Variants in TMTC1 observed in about 807,000 individuals in gnomAD.
The protein encoded by TMTC1 is protein O-mannosyl-transferase TMTC1.
A neutral mutation model predicts 104.8 loss-of-function variants in TMTC1; 73 were observed. That is an observed-to-expected ratio of 0.70 (90% CI 0.58 to 0.85). The LOEUF (loss-of-function observed/expected upper bound fraction) is 0.85, where lower values mean the gene tolerates loss of function less well. Among genes scored for constraint, TMTC1 ranks in the 40% least tolerant of loss-of-function variants. TMTC1 has a pLI of 0.00. For synonymous variants in TMTC1, 434 were observed against 428.7 expected (o/e 1.01, Z -0.15); for missense variants, 1,035 against 1,096.1 (o/e 0.94, Z 0.79).
intron 5 of TMTC1, among the ~76,000 whole-genome samples, chr12:29,669,504 G>A (rs140131345): frequency 6.6e-6 from 1 of 152,246 alleles, no homozygotes; most frequent in East Asian, 1.9e-4. Context: ...CAGCCTCAAG[G>A]GGGACATGGT....
intron 5 of TMTC1, chr12:29,660,804 A>G (rs1484593906): frequency 8.9e-6 from 12 of 1,352,922 alleles, no homozygotes; most frequent in Non-Finnish European, 1.2e-5. Context: ...ATATACTTAC[A>G]TAACTTAGGA....
intron 6 of TMTC1, among the ~76,000 whole-genome samples, chr12:29,630,256 T>C (rs1454325035): frequency 6.6e-6 from 1 of 152,180 alleles, no homozygotes; most frequent in Non-Finnish European, 1.5e-5. Context: ...CTCACAGTTC[T>C]GCATGGCTGG....
chr12:29,601,838 CTTT>C (rs546200177), intron 7 of TMTC1, among the ~76,000 whole-genome samples: 9 of 137,386 alleles, frequency 6.6e-5, no homozygotes, highest in Admixed American at 2.2e-4. Context: ...ATAATCATCT[CTTT>C]TTTTTTTTTT....
intron 5 of TMTC1, among the ~76,000 whole-genome samples, chr12:29,728,065 T>C (rs1942446948): frequency 6.6e-6 from 1 of 152,242 alleles, no homozygotes; most frequent in African/African-American, 2.4e-5. Context: ...AGGAGCTTTA[T>C]TGTGATGCAC....
In TMTC1 at chr12:29,674,597, C is replaced by A. The variant is rs184786736; in HGVS notation, c.939-41261G>T. On this transcript the variant is annotated intron_variant, in intron 5 of 17. Transcript: ENST00000539277. Reference sequence around the variant, plus strand: ...TTCAACACTCTTCTTGCTGACGGGACTCCTTTAGTTCAGCTGTAAAGGTTG... The same window carrying A: ...TTCAACACTCTTCTTGCTGACGGGAATCCTTTAGTTCAGCTGTAAAGGTTG... Among the ~76,000 whole-genome samples the A allele has an allele frequency of 2.3e-3, 351 of 152,320 alleles. 1 individual carries two copies. Among genetic ancestry groups the A allele is most frequent in the Non-Finnish European group, 2.5e-3 (173 of 68,024 alleles).
Position 29,504,648 on chromosome 12 carries a change from C to G in TMTC1, c.*2198G>C, listed in dbSNP as rs1340103559. ...GAGATAGGAAAGCACCTACAGGAGG[C>G]AGAGAGTTTCCTGAAGGTCATGTGA... On this transcript the variant is annotated 3_prime_UTR_variant, in exon 18 of 18. Coordinates refer to ENST00000539277, the MANE Select transcript of TMTC1 (RefSeq NM_001193451.2). The G allele has an allele frequency of 6.6e-6, 1 of 152,122 alleles. No homozygotes were observed. Among genetic ancestry groups the G allele is most frequent in the Non-Finnish European group, 1.5e-5 (1 of 68,032 alleles). 9.4% of individuals were successfully genotyped at this position (152,122 alleles called of 1,614,324 possible).
At chr12:29,682,380 G>A (rs1416601596) in intron 5 of TMTC1, among the ~76,000 whole-genome samples, 1 of 152,002 alleles carries the variant, frequency 6.6e-6, no homozygotes, top group African/African-American at 2.4e-5. Flanking sequence ...TTGCACTCCT[G>A]GGCACTTATC....
chr12:29,680,883 A>C (rs1290871946), intron 5 of TMTC1, among the ~76,000 whole-genome samples: 1 of 152,156 alleles, frequency 6.6e-6, no homozygotes, highest in Non-Finnish European at 1.5e-5. Flanking sequence ...GGATCACTTG[A>C]GGCCAGGAGT....
intron 6 of TMTC1, 69 bp downstream of exon 6, chr12:29,633,078 A>T: frequency 6.9e-7 from 1 of 1,443,638 alleles, no homozygotes; most frequent in Non-Finnish European, 9.4e-7. Context: ...ATCCGCACTA[A>T]AAAGAACATT....
At chr12:29,708,289 T>C (rs888565179) in intron 5 of TMTC1, among the ~76,000 whole-genome samples, 2 of 152,194 alleles carry the variant, frequency 1.3e-5, no homozygotes, top group African/African-American at 4.8e-5. Flanking sequence ...AATGAATGAG[T>C]GAATACAGCC....
intron 7 of TMTC1, among the ~76,000 whole-genome samples, chr12:29,590,768 G>C (rs571600239): frequency 6.6e-6 from 1 of 152,280 alleles, no homozygotes; most frequent in Middle Eastern, 3.4e-3. Context: ...CTGGGTGACA[G>C]GGTGAAACTC....
rs1475703126 is a variant in TMTC1 at position 29,647,290 on chromosome 12, G to A, written c.939-13954C>T. Among the ~76,000 whole-genome samples, 3 of 152,204 alleles carry A rather than the reference G, an allele frequency of 2.0e-5. No individual in the cohort carries two copies. In the East Asian group the frequency reaches 5.8e-4, roughly 29 times the overall value. On this transcript the variant is annotated intron_variant, in intron 5 of 17. Transcript: ENST00000539277. Reference sequence around the variant, plus strand: ...CTGCTTCAGCCTCCCAAAGTGCTAGGATTACAGGCATGAGCCACTATGCCC... The same window carrying A: ...CTGCTTCAGCCTCCCAAAGTGCTAGAATTACAGGCATGAGCCACTATGCCC...
At position 29,767,124 on chromosome 12, in the gene TMTC1, TGTAATTTTA is replaced by T. The variant is rs914319288; in HGVS notation, c.480+765_480+773del. On this transcript the variant is annotated intron_variant, in intron 2 of 17. Transcript: ENST00000539277. ...GCCACTGCACCTGGCTAAGTTTTTT[TGTAATTTTA>T]GTAGACATGGGGATTCACCACATTG... 6.6e-3 allele frequency among the ~76,000 whole-genome samples: 998 copies of T among 152,160 alleles called. 8 individuals carry two copies. The highest frequency in any genetic ancestry group is 0.022 in the African/African-American group (912 of 41,490).
At chr12:29,565,183 G>A (rs1213383816) in intron 9 of TMTC1, among the ~76,000 whole-genome samples, 1 of 152,086 alleles carries the variant, frequency 6.6e-6, no homozygotes. Flanking sequence ...GCAGTCTGTG[G>A]GTAGGATTTT....
intron 1 of TMTC1, among the ~76,000 whole-genome samples, chr12:29,774,419 ATAGAG>A (rs1943662634): frequency 6.6e-6 from 1 of 152,222 alleles, no homozygotes; most frequent in South Asian, 2.1e-4. Context: ...AACACAAAGA[ATAGAG>A]TACATTCTTT....
At chr12:29,766,838 G>A (rs1028568863) in intron 2 of TMTC1, among the ~76,000 whole-genome samples, 4 of 152,102 alleles carry the variant, frequency 2.6e-5, no homozygotes, top group African/African-American at 9.7e-5. Flanking sequence ...CCCTAGCCAT[G>A]CACATCAAAC....
chr12:29,653,109 T>C (rs1464670728), intron 5 of TMTC1, among the ~76,000 whole-genome samples: 1 of 151,044 alleles, frequency 6.6e-6, no homozygotes, highest in East Asian at 1.9e-4. Flanking sequence ...TTATATATAC[T>C]TATATATCTG....
chr12:29,692,461 C>T lies in TMTC1; in HGVS notation c.939-59125G>A, dbSNP rs138603585. The stretch of plus-strand genomic sequence containing the variant: ...AGTCAAAATGAGATACCACTTCCCA[C>T]GCACTAGAGTGGCCATAATCAAAGA... On this transcript the variant is annotated intron_variant, in intron 5 of 17. Transcript: ENST00000539277. Among the ~76,000 whole-genome samples, 599 of 144,922 alleles carry T rather than the reference C, an allele frequency of 4.1e-3. 68 individuals carry two copies. The highest frequency in any genetic ancestry group is 0.015 in the African/African-American group (582 of 39,650).
At chr12:29,554,139 C>T (rs190287810) in intron 10 of TMTC1, among the ~76,000 whole-genome samples, 1 of 152,300 alleles carries the variant, frequency 6.6e-6, no homozygotes, top group Non-Finnish European at 1.5e-5. Flanking sequence ...TATTAAAACA[C>T]AAATCCTTAG....
Sources: gnomAD v4.1 joint callset for allele counts (sites outside exome capture counted in the v4.1 genomes callset) on GRCh38, gnomAD v4.1.1 for gene constraint, MANE v1.5 for transcripts, NCBI Gene and HGNC (gene_info 2026-07-23, HGNC 2026-07-21) for gene names.